The following PCDHA9 variants were observed in gnomAD, a reference collection of about 807,000 sequenced individuals.
PCDHA9 encodes protocadherin alpha-9.
Under a neutral mutation model 62.0 loss-of-function variants are expected in PCDHA9, and 62 were observed. That is an observed-to-expected ratio of 1.00 (90% CI 0.81 to 1.23). The LOEUF (loss-of-function observed/expected upper bound fraction) is 1.23. PCDHA9 is among the 50% of genes most tolerant of loss of function. PCDHA9 has a pLI of 0.00. For missense variants in PCDHA9, 1,205 were observed against 1,249.8 expected (o/e 0.96, Z 0.54); for synonymous variants, 557 against 567.6 (o/e 0.98, Z 0.27).
chr5:140,961,672 A>T (rs1463428757), intron 1 of PCDHA9, among the ~76,000 whole-genome samples: 2 of 152,182 alleles, frequency 1.3e-5, no homozygotes, highest in East Asian at 3.8e-4. Flanking sequence ...ACCAGTTTTT[A>T]ATTAAGCCGG....
chr5:140,903,498 T>C (rs1205249543), intron 1 of PCDHA9, among the ~76,000 whole-genome samples: 2 of 152,320 alleles, frequency 1.3e-5, no homozygotes, highest in East Asian at 1.9e-4. Context: ...GCAGGTACCA[T>C]AGATAATAGT....
At position 140,853,168 on chromosome 5, in the gene PCDHA9, C is replaced by T. The variant is rs2150529261; in HGVS notation, c.2394+2279C>T. 37 of 960,760 alleles carry T rather than the reference C, an allele frequency of 3.9e-5. 1 individual carries two copies. Among genetic ancestry groups the T allele is most frequent in the Admixed American group, 1.3e-4 (2 of 15,838 alleles). 59.5% of individuals were successfully genotyped at this position (960,760 alleles called of 1,614,324 possible). On this transcript the variant is annotated intron_variant, in intron 1 of 3. Transcript: ENST00000532602. ...TGCTGGGATTACAGGCGTGAGCCAC[C>T]GCGCCTGGCCTAAAATGTGTTCTTT... is the stretch of plus-strand genomic sequence containing the variant.
At chr5:140,952,972 A>G (rs1206326487) in intron 1 of PCDHA9, among the ~76,000 whole-genome samples, 1 of 152,074 alleles carries the variant, frequency 6.6e-6, no homozygotes, top group Non-Finnish European at 1.5e-5. Context: ...CACACTTTTA[A>G]ACAACAAGAT....
intron 1 of PCDHA9, among the ~76,000 whole-genome samples, chr5:140,905,814 G>T (rs1303983123): frequency 6.6e-6 from 1 of 152,090 alleles, no homozygotes; most frequent in Non-Finnish European, 1.5e-5. Flanking sequence ...GAATTAATAG[G>T]CTAGATGTGT....
intron 1 of PCDHA9, among the ~76,000 whole-genome samples, chr5:140,934,475 A>G (rs1554209923): frequency 6.6e-6 from 1 of 152,172 alleles, no homozygotes; most frequent in African/African-American, 2.4e-5. Context: ...ATTATTTTGA[A>G]AATTATATTC....
At chr5:140,986,828 G>C (rs1001117075) in intron 3 of PCDHA9, among the ~76,000 whole-genome samples, 2 of 152,146 alleles carry the variant, frequency 1.3e-5, no homozygotes, top group African/African-American at 2.4e-5. Flanking sequence ...TTTAGACAAT[G>C]GTTCTCAAAG....
intron 1 of PCDHA9, chr5:140,927,278 T>C: frequency 6.2e-7 from 1 of 1,614,094 alleles, no homozygotes; most frequent in Non-Finnish European, 8.5e-7. Flanking sequence ...GCCGGCGACG[T>C]GCAGCTGCAC....
At chr5:140,980,584 C>T (rs1447001293) in intron 2 of PCDHA9, among the ~76,000 whole-genome samples, 3 of 151,934 alleles carry the variant, frequency 2.0e-5, no homozygotes, top group Non-Finnish European at 4.4e-5. Context: ...GAGCCAAGAT[C>T]GAGCCACTGC....
intron 1 of PCDHA9, chr5:140,875,805 C>A: frequency 6.2e-7 from 1 of 1,614,172 alleles, no homozygotes; most frequent in Non-Finnish European, 8.5e-7. Context: ...TGATCGTGGA[C>A]AGGCCGCTGC....
chr5:140,921,740 C>T (rs923518440), intron 1 of PCDHA9, among the ~76,000 whole-genome samples: 1 of 152,052 alleles, frequency 6.6e-6, no homozygotes, highest in Non-Finnish European at 1.5e-5. Flanking sequence ...AAATTATAAG[C>T]ATAACAGGAC....
chr5:140,966,052 C>G (rs2095962967), intron 1 of PCDHA9, among the ~76,000 whole-genome samples: 1 of 152,158 alleles, frequency 6.6e-6, no homozygotes, highest in Admixed American at 6.5e-5. Context: ...GCCAGTAACC[C>G]CAGAGCGCCT....
At chr5:140,876,360 T>C in intron 1 of PCDHA9, 1 of 1,613,962 alleles carries the variant, frequency 6.2e-7, no homozygotes, top group Non-Finnish European at 8.5e-7. Context: ...TTTCAATAAA[T>C]CCAGACACAG....
At chr5:140,993,031 C>T (rs186292405) in intron 3 of PCDHA9, among the ~76,000 whole-genome samples, 19 of 152,274 alleles carry the variant, frequency 1.2e-4, no homozygotes, top group Non-Finnish European at 1.8e-4. Context: ...CTGTGGGCTC[C>T]GTGTGTCATC....
At chr5:140,929,545 A>T in intron 1 of PCDHA9, 1 of 514,856 alleles carries the variant, frequency 1.9e-6, no homozygotes, top group Non-Finnish European at 3.2e-6. Context: ...ACAAGGGCAA[A>T]AATTAAAACC....
At chr5:140,869,211 G>T (rs375218342) in intron 1 of PCDHA9, 2 of 1,613,956 alleles carry the variant, frequency 1.2e-6, no homozygotes, top group Non-Finnish European at 1.7e-6. Context: ...ACTCCGTCTC[G>T]GAGGAGGCCA....
intron 1 of PCDHA9, among the ~76,000 whole-genome samples, chr5:140,912,283 A>G (rs1442282452): frequency 6.6e-6 from 1 of 152,104 alleles, no homozygotes; most frequent in Non-Finnish European, 1.5e-5. Flanking sequence ...ACCCAGGAAC[A>G]ATACTTTGCC....
At chr5:140,972,660 A>ATTTTTTTTTTTTTTTTTTTTTTTTTT (rs11350929) in intron 1 of PCDHA9, among the ~76,000 whole-genome samples, 1 of 117,268 alleles carries the variant, frequency 8.5e-6, no homozygotes, top group Non-Finnish European at 1.7e-5. Context: ...AAGAAACCAA[A>ATTTTTTTTTTTTTTTTTTTTTTTTTT]TTTTTTTTTT....
chr5:140,884,334 C>T (rs1405987385), intron 1 of PCDHA9: 1 of 1,613,746 alleles, frequency 6.2e-7, no homozygotes, highest in Non-Finnish European at 8.5e-7. Context: ...GCTGTGGGTC[C>T]AGAAGCGGCG....
At chr5:140,852,397 C>A in intron 1 of PCDHA9, 1 of 184,368 alleles carries the variant, frequency 5.4e-6, no homozygotes, top group Non-Finnish European at 1.2e-5. Flanking sequence ...CCTGCCTCAG[C>A]CTCCTGAGTA....
Sources: allele counts gnomAD v4.1 joint callset (sites outside exome capture counted in the v4.1 genomes callset), GRCh38; gene constraint gnomAD v4.1.1; transcripts MANE v1.5; gene names NCBI Gene and HGNC (gene_info 2026-07-23, HGNC 2026-07-21).